The following KCNC2 variants were observed in gnomAD, a reference collection of about 807,000 sequenced individuals.
KCNC2 encodes voltage-gated potassium channel KCNC2.
In KCNC2, 21 loss-of-function variants were observed where a neutral mutation model predicts 44.5. The observed-to-expected ratio is 0.47, with a 90% CI of 0.33 to 0.68. KCNC2 has a LOEUF of 0.68. Ranked by LOEUF, KCNC2 falls within the 30% of genes least tolerant of loss-of-function variation. The pLI, the probability that KCNC2 is intolerant of heterozygous loss-of-function variation, is 0.01. For synonymous variants in KCNC2, 391 were observed against 339.1 expected (o/e 1.15, Z -1.68); for missense variants, 589 against 826.2 (o/e 0.71, Z 3.52).
chr12:75,066,257 A>G (rs1276931338), intron 2 of KCNC2, among the ~76,000 whole-genome samples: 5 of 152,112 alleles, frequency 3.3e-5, no homozygotes, highest in East Asian at 3.9e-4. Context: ...ATCATTTCTA[A>G]TAGATTCAAA....
intron 2 of KCNC2, among the ~76,000 whole-genome samples, chr12:75,056,720 A>G (rs1881782782): frequency 6.6e-6 from 1 of 152,058 alleles, no homozygotes; most frequent in South Asian, 2.1e-4. Flanking sequence ...TCAATGAGGC[A>G]TTATTTATAA....
chr12:75,058,778 T>C (rs1203291184), intron 2 of KCNC2, among the ~76,000 whole-genome samples: 1 of 152,032 alleles, frequency 6.6e-6, no homozygotes, highest in African/African-American at 2.4e-5. Flanking sequence ...TGCTCAGTAA[T>C]TTTTTTCTAA....
chr12:75,195,021 T>G (rs1486353591), intron 2 of KCNC2, among the ~76,000 whole-genome samples: 1 of 152,214 alleles, frequency 6.6e-6, no homozygotes, highest in Non-Finnish European at 1.5e-5. Context: ...CAAAGAGTAT[T>G]TTGAACTTCA....
intron 4 of KCNC2, chr12:75,043,849 T>C (rs904495351): frequency 1.7e-6 from 2 of 1,153,588 alleles, no homozygotes; most frequent in African/African-American, 3.2e-5. Context: ...AAAAAGAAAA[T>C]GAATGAAATA....
intron 2 of KCNC2, among the ~76,000 whole-genome samples, chr12:75,093,205 T>C (rs1378725555): frequency 2.0e-5 from 3 of 151,636 alleles, no homozygotes; most frequent in African/African-American, 4.8e-5. Context: ...TCAAATAGAA[T>C]GGCAACAATT....
intron 2 of KCNC2, among the ~76,000 whole-genome samples, chr12:75,093,520 A>G (rs1565848541): frequency 6.6e-6 from 1 of 151,680 alleles, no homozygotes; most frequent in Non-Finnish European, 1.5e-5. Flanking sequence ...CCGAAGCTCC[A>G]TTACAGCTTA....
At chr12:75,195,260 AC>A (rs918964577) in intron 2 of KCNC2, among the ~76,000 whole-genome samples, 1 of 152,156 alleles carries the variant, frequency 6.6e-6, no homozygotes. Context: ...AATTACATTA[AC>A]CAAAAATCTT....
intron 2 of KCNC2, among the ~76,000 whole-genome samples, chr12:75,089,085 T>C (rs1885264035): frequency 6.6e-6 from 1 of 151,874 alleles, no homozygotes; most frequent in Non-Finnish European, 1.5e-5. Flanking sequence ...CAAAAGAGCA[T>C]CACAAATTAA....
At chr12:75,053,641 T>A (rs754526552) in intron 2 of KCNC2, among the ~76,000 whole-genome samples, 1 of 151,438 alleles carries the variant, frequency 6.6e-6, no homozygotes, top group African/African-American at 2.4e-5. Context: ...ATTCTGTATA[T>A]CTTTAGCTTT....
At chr12:75,059,196 T>C (rs994411935) in intron 2 of KCNC2, among the ~76,000 whole-genome samples, 14 of 152,150 alleles carry the variant, frequency 9.2e-5, no homozygotes, top group African/African-American at 3.1e-4. Flanking sequence ...ATTGATTGGC[T>C]GTGTAATTGG....
At chr12:75,085,298 A>T (rs967391885) in intron 2 of KCNC2, among the ~76,000 whole-genome samples, 17 of 152,078 alleles carry the variant, frequency 1.1e-4, no homozygotes, top group African/African-American at 4.1e-4. Context: ...CCTTTCTATT[A>T]TTCACCTTCC....
At chr12:75,155,674 G>T (rs946392460) in intron 2 of KCNC2, among the ~76,000 whole-genome samples, 2 of 151,532 alleles carry the variant, frequency 1.3e-5, no homozygotes, top group African/African-American at 4.8e-5. Context: ...TCTACAGGTG[G>T]CCCTAACTAG....
intron 4 of KCNC2, chr12:75,043,760 G>T: frequency 6.6e-7 from 1 of 1,510,178 alleles, no homozygotes; most frequent in Non-Finnish European, 8.8e-7. Flanking sequence ...CTTAAATAAT[G>T]GCATTTGGTG....
At chr12:75,144,351 T>C (rs1889864778) in intron 2 of KCNC2, among the ~76,000 whole-genome samples, 1 of 152,214 alleles carries the variant, frequency 6.6e-6, no homozygotes, top group African/African-American at 2.4e-5. Context: ...ATATAATCAG[T>C]GAATTAGTAG....
chr12:75,136,289 G>A (rs1369809462), intron 2 of KCNC2, among the ~76,000 whole-genome samples: 2 of 151,536 alleles, frequency 1.3e-5, no homozygotes, highest in South Asian at 2.1e-4. Context: ...CTAGAAAAAC[G>A]AGAACAACCT....
chr12:75,052,114 T>TA (rs1258113904), intron 2 of KCNC2, among the ~76,000 whole-genome samples: 4 of 151,920 alleles, frequency 2.6e-5, no homozygotes, highest in East Asian at 1.9e-4. Context: ...CACAGAATAA[T>TA]AAAAAAAGCA....
At chr12:75,134,674 A>T (rs1462300859) in intron 2 of KCNC2, among the ~76,000 whole-genome samples, 3 of 151,922 alleles carry the variant, frequency 2.0e-5, no homozygotes, top group Non-Finnish European at 2.9e-5. Context: ...TAAGATAAAA[A>T]ATGCTTTTAA....
chr12:75,194,322 A>G (rs181333389), intron 2 of KCNC2, among the ~76,000 whole-genome samples: 64 of 152,310 alleles, frequency 4.2e-4, no homozygotes, highest in African/African-American at 1.5e-3. Flanking sequence ...GGGGATCATC[A>G]TGTGAAGATG....
chr12:75,076,906 C>T (rs1381344043), intron 2 of KCNC2, among the ~76,000 whole-genome samples: 1 of 152,086 alleles, frequency 6.6e-6, no homozygotes, highest in African/African-American at 2.4e-5. Flanking sequence ...TAAATGTAAT[C>T]TAGTCAATGG....
Sources: allele counts gnomAD v4.1 joint callset (sites outside exome capture counted in the v4.1 genomes callset), GRCh38; gene constraint gnomAD v4.1.1; transcripts MANE v1.5; gene names NCBI Gene and HGNC (gene_info 2026-07-23, HGNC 2026-07-21).